The following CR1L variants were observed in gnomAD, a reference collection of about 807,000 sequenced individuals.
CR1L encodes complement C3b/C4b receptor 1 like.
In CR1L, 59 loss-of-function variants were observed where a neutral mutation model predicts 62.3. The observed-to-expected ratio is 0.95, with a 90% CI of 0.77 to 1.18. The LOEUF (loss-of-function observed/expected upper bound fraction) is 1.18. Ranked by LOEUF, CR1L falls within the 50% of genes most tolerant of loss-of-function variation. CR1L has a pLI of 0.00. For synonymous variants in CR1L, 279 were observed against 248.7 expected (o/e 1.12, Z -1.15); for missense variants, 700 against 702.8 (o/e 1.00, Z 0.04).
At chr1:207,695,754 T>G (rs143701346) in intron 5 of CR1L, among the ~76,000 whole-genome samples, 2 of 152,222 alleles carry the variant, frequency 1.3e-5, no homozygotes, top group Non-Finnish European at 2.9e-5. Flanking sequence ...CTTACAATCA[T>G]GGTGGAAGGC....
intron 1 of CR1L, chr1:207,655,108 T>G (rs1357902424): frequency 2.8e-6 from 1 of 360,094 alleles, no homozygotes; most frequent in African/African-American, 2.1e-5. Context: ...GCGTAGAAAA[T>G]AAACCATATA....
intron 4 of CR1L, among the ~76,000 whole-genome samples, chr1:207,684,824 C>G (rs1292819860): frequency 6.6e-6 from 1 of 152,140 alleles, no homozygotes; most frequent in Non-Finnish European, 1.5e-5. Context: ...GAGAGAAATG[C>G]AGTGTATAAC....
intron 1 of CR1L, among the ~76,000 whole-genome samples, chr1:207,646,668 GC>G (rs1663131127): frequency 8.3e-6 from 1 of 119,822 alleles, no homozygotes; most frequent in African/African-American, 3.2e-5. Context: ...CTGTGATCAT[GC>G]CACTGCACTC....
At chr1:207,656,653 G>C (rs954445631) in intron 1 of CR1L, among the ~76,000 whole-genome samples, 1 of 152,176 alleles carries the variant, frequency 6.6e-6, no homozygotes, top group Non-Finnish European at 1.5e-5. Context: ...GGGGAGCAAG[G>C]TGTCTCACAT....
chr1:207,652,752 T>C (rs1663241819), intron 1 of CR1L: 3 of 737,248 alleles, frequency 4.1e-6, no homozygotes, highest in Admixed American at 1.9e-5. Flanking sequence ...AAACTAGCCT[T>C]TTTTTTTTGT....
At position 207,697,872 on chromosome 1, in the gene CR1L, G is replaced by A. The variant is rs1478492691; in HGVS notation, c.1141G>A (p.Gly381Arg). 1 of 1,613,856 alleles carries A rather than the reference G, an allele frequency of 6.2e-7. No individual in the cohort carries two copies. Among genetic ancestry groups the A allele is most frequent in the Admixed American group, 1.7e-5 (1 of 59,998 alleles). ...GAKVDFVCDE[G>R]FQLKGSSASY... Reference sequence around the variant, plus strand: ...AAAAGTGGATTTTGTTTGTGATGAAGGGTGAGTATGAGCTTGCCTGACCTG... The same window carrying A: ...AAAAGTGGATTTTGTTTGTGATGAAAGGTGAGTATGAGCTTGCCTGACCTG... Residue 381 changes from glycine (G) to arginine (R), a missense_variant and splice_region_variant, in exon 7 of 12, where the codon GGA becomes AGA. Physicochemically the swap from Gly to Arg is moderately radical, Grantham distance 125 (BLOSUM62 -2). Transcript: ENST00000508064.
chr1:207,662,270 A>C (rs1301263247), intron 1 of CR1L, among the ~76,000 whole-genome samples: 1 of 152,186 alleles, frequency 6.6e-6, no homozygotes, highest in Non-Finnish European at 1.5e-5. Context: ...TCTCCCCATC[A>C]CTTTCAGGTA....
chr1:207,708,232 C>T lies in CR1L; in HGVS notation c.1383C>T (p.Ala461=). ...SAECILSGNT[A]HWSMKPPICQ... is the part of the protein sequence containing the mutation. Reference sequence around the variant, plus strand: ...AATGTATCCTCTCGGGCAATACTGCCCATTGGAGCATGAAGCCACCAATTT... The same window carrying T: ...AATGTATCCTCTCGGGCAATACTGCTCATTGGAGCATGAAGCCACCAATTT... The change falls in exon 10 of 12, where the codon GCC becomes GCT. Residue 461 remains alanine, a synonymous_variant. Transcript: ENST00000508064. The T allele has an allele frequency of 6.2e-7, 1 of 1,611,482 alleles. No individual in the cohort carries two copies. Among genetic ancestry groups the T allele is most frequent in the Non-Finnish European group, 8.5e-7 (1 of 1,179,446 alleles).
intron 2 of CR1L, among the ~76,000 whole-genome samples, chr1:207,677,933 G>A (rs1663725175): frequency 6.6e-6 from 1 of 152,222 alleles, no homozygotes; most frequent in African/African-American, 2.4e-5. Context: ...GATTATATCA[G>A]TTGAATTGAA....
chr1:207,666,290 G>A (rs922307539), intron 1 of CR1L, among the ~76,000 whole-genome samples: 2 of 152,140 alleles, frequency 1.3e-5, no homozygotes, highest in African/African-American at 4.8e-5. Context: ...GACATAATTG[G>A]CTTTCTTTAT....
chr1:207,707,283 C>A (rs1054488237), intron 9 of CR1L, among the ~76,000 whole-genome samples: 5 of 152,148 alleles, frequency 3.3e-5, no homozygotes, highest in Non-Finnish European at 7.4e-5. Context: ...TCATTGCTTT[C>A]TCCTCATCCT....
intron 1 of CR1L, among the ~76,000 whole-genome samples, chr1:207,656,187 G>C (rs1212466227): frequency 6.6e-6 from 1 of 152,180 alleles, no homozygotes; most frequent in Non-Finnish European, 1.5e-5. Flanking sequence ...GCAGCGAGCC[G>C]AGATCGCGCC....
chr1:207,683,329 G>T (rs1487306193), intron 3 of CR1L, among the ~76,000 whole-genome samples: 1 of 151,964 alleles, frequency 6.6e-6, no homozygotes, highest in Non-Finnish European at 1.5e-5. Context: ...TTGAGACAGG[G>T]TCTCACTATG....
intron 8 of CR1L, among the ~76,000 whole-genome samples, chr1:207,700,003 G>C (rs1664166849): frequency 6.6e-6 from 1 of 152,278 alleles, no homozygotes; most frequent in South Asian, 2.1e-4. Context: ...AATAATTTAT[G>C]CTGAGAGATT....
intron 11 of CR1L, among the ~76,000 whole-genome samples, chr1:207,722,310 G>C (rs1227519073): frequency 3.5e-5 from 4 of 113,448 alleles, no homozygotes; most frequent in African/African-American, 1.2e-4. Flanking sequence ...TTCTTCTAGG[G>C]TTTTTATGGT....
At chr1:207,690,941 A>G (rs1663986989) in intron 4 of CR1L, among the ~76,000 whole-genome samples, 1 of 152,186 alleles carries the variant, frequency 6.6e-6, no homozygotes, top group Non-Finnish European at 1.5e-5. Context: ...AATGGTCTCA[A>G]CTCAAGATCA....
At chr1:207,719,624 G>T (rs963695494) in intron 11 of CR1L, among the ~76,000 whole-genome samples, 1 of 152,056 alleles carries the variant, frequency 6.6e-6, no homozygotes, top group Non-Finnish European at 1.5e-5. Flanking sequence ...GAGAGGCTCA[G>T]GTGGGAGAAT....
chr1:207,709,396 A>G (rs1217086117), intron 10 of CR1L, among the ~76,000 whole-genome samples: 1 of 150,530 alleles, frequency 6.6e-6, no homozygotes, highest in African/African-American at 2.4e-5. Flanking sequence ...GCAGAGCAAG[A>G]CCTTGTCTCA....
At chr1:207,718,948 G>C (rs1401172373) in intron 11 of CR1L, among the ~76,000 whole-genome samples, 1 of 149,872 alleles carries the variant, frequency 6.7e-6, no homozygotes, top group African/African-American at 2.5e-5. Context: ...ATGAGTTCAT[G>C]TCCTTTGTAG....
Sources: allele counts gnomAD v4.1 joint callset (sites outside exome capture counted in the v4.1 genomes callset), GRCh38; gene constraint gnomAD v4.1.1; transcripts MANE v1.5; gene names NCBI Gene and HGNC (gene_info 2026-07-23, HGNC 2026-07-21).